The following ZSWIM6 variants were observed in gnomAD, a reference collection of about 807,000 sequenced individuals.
ZSWIM6 encodes zinc finger SWIM-type containing 6.
Under a neutral mutation model 113.2 loss-of-function variants are expected in ZSWIM6, and 9 were observed. That is an observed-to-expected ratio of 0.08 (90% CI 0.05 to 0.14). ZSWIM6 has a LOEUF of 0.14. ZSWIM6 is among the 10% of genes least tolerant of loss of function. The probability of loss-of-function intolerance (pLI) is 1.00; values close to 1 mark genes in which losing one functional copy is unlikely to be tolerated. For missense variants in ZSWIM6, 1,162 were observed against 1,552.2 expected (o/e 0.75, Z 4.22); for synonymous variants, 611 against 606.5 (o/e 1.01, Z -0.11).
At chr5:61,375,048 T>C (rs1376734781) in intron 1 of ZSWIM6, 45 of 1,445,608 alleles carry the variant, frequency 3.1e-5, no homozygotes, top group Non-Finnish European at 4.2e-5. Flanking sequence ...CTATAAGATA[T>C]TAAAGGGTAA....
At chr5:61,336,025 G>T (rs1744384764) in intron 1 of ZSWIM6, among the ~76,000 whole-genome samples, 1 of 152,178 alleles carries the variant, frequency 6.6e-6, no homozygotes, top group Non-Finnish European at 1.5e-5. Flanking sequence ...AACTTTGGGA[G>T]GTTGAGGTGG....
At chr5:61,410,030 T>G (rs1403932511) in intron 1 of ZSWIM6, among the ~76,000 whole-genome samples, 1 of 152,200 alleles carries the variant, frequency 6.6e-6, no homozygotes, top group Non-Finnish European at 1.5e-5. Flanking sequence ...GCCTTGGACT[T>G]ATTTGTCCTT....
intron 1 of ZSWIM6, among the ~76,000 whole-genome samples, chr5:61,418,273 TA>T (rs1218435163): frequency 6.6e-6 from 1 of 152,140 alleles, no homozygotes; most frequent in Non-Finnish European, 1.5e-5. Context: ...TTTATTTATT[TA>T]TTTATTTTTT....
chr5:61,494,452 GATAA>G, intron 4 of ZSWIM6, 42 bp downstream of exon 4: 1 of 1,547,922 alleles, frequency 6.5e-7, no homozygotes, highest in Non-Finnish European at 8.7e-7. Context: ...TTTGCATATG[GATAA>G]ATACCATAGT....
At chr5:61,356,154 G>A (rs1017252061) in intron 1 of ZSWIM6, among the ~76,000 whole-genome samples, 2 of 152,170 alleles carry the variant, frequency 1.3e-5, no homozygotes, top group East Asian at 3.9e-4. Context: ...AAGCTGGAGT[G>A]CAGTGTCAGA....
intron 2 of ZSWIM6, among the ~76,000 whole-genome samples, chr5:61,483,426 C>G (rs963495569): frequency 1.3e-5 from 2 of 152,104 alleles, no homozygotes; most frequent in African/African-American, 2.4e-5. Context: ...AACAAGTATT[C>G]AAATTTTCTT....
At chr5:61,375,563 A>T in intron 1 of ZSWIM6, 2 of 1,536,408 alleles carry the variant, frequency 1.3e-6, no homozygotes, top group South Asian at 1.2e-5. Context: ...TCAGAAACTG[A>T]ATCAGACAGT....
At chr5:61,411,241 A>G (rs1167775785) in intron 1 of ZSWIM6, among the ~76,000 whole-genome samples, 1 of 152,192 alleles carries the variant, frequency 6.6e-6, no homozygotes, top group Non-Finnish European at 1.5e-5. Flanking sequence ...TATGGAGTGA[A>G]TGTTTGTGTC....
intron 1 of ZSWIM6, among the ~76,000 whole-genome samples, chr5:61,341,060 G>T (rs1744535005): frequency 6.6e-6 from 1 of 152,244 alleles, no homozygotes; most frequent in Non-Finnish European, 1.5e-5. Context: ...AAAAAAGTCA[G>T]TTCTGGCCAG....
chr5:61,543,438 GTT>G lies in ZSWIM6; in HGVS notation c.2786-15_2786-14del. On this transcript the variant is annotated splice_polypyrimidine_tract_variant and intron_variant, in intron 13 of 13. Transcript: ENST00000252744. The surrounding 1 kb of genome is among the most constrained non-coding windows in gnomAD (Gnocchi z 4.3). ...AGCCTCCTCGTCAGTAATAGAGCCT[GTT>G]TGTGTTCCTTGCAGGGGTTTATGCC... The G allele has an allele frequency of 6.5e-7, 1 of 1,541,602 alleles. No homozygotes were observed. Among genetic ancestry groups the G allele is most frequent in the Non-Finnish European group, 8.8e-7 (1 of 1,141,480 alleles).
chr5:61,400,806 A>C (rs573426154), intron 1 of ZSWIM6, among the ~76,000 whole-genome samples: 3 of 152,272 alleles, frequency 2.0e-5, no homozygotes, highest in East Asian at 3.9e-4. Flanking sequence ...GGTTGATAAA[A>C]ATGTTGACCA....
intron 1 of ZSWIM6, among the ~76,000 whole-genome samples, chr5:61,446,988 A>G (rs1746967815): frequency 6.6e-6 from 1 of 152,154 alleles, no homozygotes; most frequent in African/African-American, 2.4e-5. Context: ...TGTGAAGGCT[A>G]TAAACCAAAA....
intron 1 of ZSWIM6, among the ~76,000 whole-genome samples, chr5:61,334,158 T>C (rs1342650116): frequency 1.3e-5 from 2 of 152,248 alleles, no homozygotes; most frequent in Non-Finnish European, 2.9e-5. Context: ...AGCCTTCCTT[T>C]CTCTGACAGA....
At chr5:61,458,707 G>T (rs751652992) in intron 1 of ZSWIM6, among the ~76,000 whole-genome samples, 1 of 151,744 alleles carries the variant, frequency 6.6e-6, no homozygotes, top group Non-Finnish European at 1.5e-5. Flanking sequence ...GAGAAACCCC[G>T]TCTCTACTAA....
chr5:61,344,349 G>T (rs1473627713), intron 1 of ZSWIM6, among the ~76,000 whole-genome samples: 1 of 152,200 alleles, frequency 6.6e-6, no homozygotes, highest in African/African-American at 2.4e-5. Flanking sequence ...CAGTGGTGAA[G>T]CTGATGAGTG....
At chr5:61,489,317 T>G (rs954910549) in intron 2 of ZSWIM6, among the ~76,000 whole-genome samples, 1 of 151,954 alleles carries the variant, frequency 6.6e-6, no homozygotes, top group Admixed American at 6.6e-5. Context: ...GATGATAGAG[T>G]CTTCCATCAC....
At position 61,363,174 on chromosome 5, in the gene ZSWIM6, G is replaced by A. The variant is rs544073776; in HGVS notation, c.676+30226G>A. Among the ~76,000 whole-genome samples the A allele has an allele frequency of 3.9e-5, 6 of 152,306 alleles. No individual in the cohort carries two copies. In the East Asian group the frequency reaches 9.6e-4, roughly 24 times the overall value. On this transcript the variant is annotated intron_variant, in intron 1 of 13. Coordinates refer to ENST00000252744, the MANE Select transcript of ZSWIM6 (RefSeq NM_020928.2). ...CACAGGGGGCACTGCCTGCAAGGAA[G>A]GTGTTTGATCTGAACCCTCTGAGGC...
chr5:61,450,036 T>C (rs1039333370), intron 1 of ZSWIM6, among the ~76,000 whole-genome samples: 1 of 152,190 alleles, frequency 6.6e-6, no homozygotes, highest in Non-Finnish European at 1.5e-5. Context: ...AAGAATAGTT[T>C]CCTTTTTAGG....
rs1561287235 is a variant in ZSWIM6, at chr5:61,543,633, C to T, written c.2964C>T (p.Ala988=). 3 of 1,551,768 alleles carry T rather than the reference C, an allele frequency of 1.9e-6. No individual in the cohort carries two copies. The highest frequency in any genetic ancestry group is 2.0e-5 in the Admixed American group (1 of 51,010). Residue 988 remains alanine (A), a synonymous_variant, in exon 14 of 14, where the codon GCC becomes GCT. Transcript: ENST00000252744. This position sits in a 1 kb window ranked among gnomAD's most constrained non-coding sequence, Gnocchi z 4.3. The part of the protein sequence containing the change: ...SSARTLALQC[A]MKDPQNCALS... ...CCCGGACACTTGCACTGCAGTGTGC[C>T]ATGAAGGATCCACAGAACTGTGCCC...
Sources: gnomAD v4.1 joint callset for allele counts (sites outside exome capture counted in the v4.1 genomes callset) on GRCh38, gnomAD v4.1.1 for gene constraint, Gnocchi (gnomAD v3.1) non-coding constraint, MANE v1.5 for transcripts, NCBI Gene and HGNC (gene_info 2026-07-23, HGNC 2026-07-21) for gene names.